The following GALC variants were observed in gnomAD, a reference collection of about 807,000 sequenced individuals.
The protein encoded by GALC is galactosylceramidase, also known as galactocerebrosidase.
In GALC, 77 loss-of-function variants were observed where a neutral mutation model predicts 91.8. That is an observed-to-expected ratio of 0.84 (90% CI 0.70 to 1.01). The LOEUF (loss-of-function observed/expected upper bound fraction) is 1.01. Among genes scored for constraint, GALC ranks in the 50% least tolerant of loss-of-function variants. The pLI is 0.00. For missense variants in GALC, 882 were observed against 855.9 expected, an observed-to-expected ratio of 1.03 and a Z score of -0.38; for synonymous variants, 357 against 306.7, an observed-to-expected ratio of 1.16 and a Z score of -1.71.
chr14:87,968,844 AC>A (rs972136893), intron 7 of GALC, among the ~76,000 whole-genome samples: 2 of 152,138 alleles, frequency 1.3e-5, no homozygotes, highest in African/African-American at 4.8e-5. Context: ...AGCCTAGAAC[AC>A]TCCAAGAGGA....
chr14:87,954,689 C>T, intron 10 of GALC: 2 of 1,554,116 alleles, frequency 1.3e-6, no homozygotes, highest in Admixed American at 3.4e-5. Context: ...GATTTCAGAG[C>T]TGTCATTTCC....
chr14:87,969,379 C>T (rs1886187422), intron 7 of GALC, among the ~76,000 whole-genome samples: 1 of 152,120 alleles, frequency 6.6e-6, no homozygotes, highest in African/African-American at 2.4e-5. Context: ...TTCACTCTAT[C>T]ATTCGATGGG....
chr14:87,939,121 G>T (rs1206819558), intron 16 of GALC, among the ~76,000 whole-genome samples: 1 of 151,902 alleles, frequency 6.6e-6, no homozygotes, highest in Admixed American at 6.6e-5. Flanking sequence ...TATTATAATT[G>T]CTATAAAATG....
chr14:87,953,204 C>G, intron 10 of GALC: 1 of 1,500,818 alleles, frequency 6.7e-7, no homozygotes, highest in Non-Finnish European at 9.2e-7. Flanking sequence ...AAAATGTCAA[C>G]TGATACGGAA....
At chr14:87,987,493 C>T (rs1446232664) in intron 3 of GALC, among the ~76,000 whole-genome samples, 2 of 152,154 alleles carry the variant, frequency 1.3e-5, no homozygotes, top group Admixed American at 6.5e-5. Flanking sequence ...ACCACATAGA[C>T]ATATCTGTTC....
At chr14:87,990,050 G>T (rs761636679) in intron 1 of GALC, among the ~76,000 whole-genome samples, 40 of 152,100 alleles carry the variant, frequency 2.6e-4, no homozygotes, top group Non-Finnish European at 3.1e-4. Flanking sequence ...GAATTTGAAG[G>T]AAGGATGCCT....
At chr14:87,954,542 T>C (rs1885439456) in intron 10 of GALC, 1 of 1,559,296 alleles carries the variant, frequency 6.4e-7, no homozygotes, top group Non-Finnish European at 8.7e-7. Flanking sequence ...ATCCTGTGAG[T>C]GCTTGTTTGA....
In GALC at chr14:87,941,489, TCCTG is replaced by T. The variant is rs754668472; in HGVS notation, c.1736_1739del (p.Ala579GlufsTer3). 1 of 1,603,118 alleles carries T rather than the reference TCCTG, an allele frequency of 6.2e-7. No homozygotes were observed. The highest frequency in any genetic ancestry group is 1.1e-5 in the South Asian group (1 of 90,862). Reference sequence around the variant, plus strand: ...TCAAAATACCACCTTTATTTACTCTTCCTGCAATGAACACACCTCCTGTGTCAGG... The same window carrying T: ...TCAAAATACCACCTTTATTTACTCTTCAATGAACACACCTCCTGTGTCAGG... On this transcript the variant is annotated frameshift_variant, in exon 15 of 17. Transcript: ENST00000261304. LOFTEE classifies it high-confidence loss of function.
intron 1 of GALC, among the ~76,000 whole-genome samples, chr14:87,991,321 G>T (rs910999225): frequency 6.6e-6 from 1 of 152,148 alleles, no homozygotes; most frequent in African/African-American, 2.4e-5. Context: ...TCCTGCCTCA[G>T]CCTCCCGAGT....
intron 6 of GALC, chr14:87,981,467 T>A (rs976132830): frequency 5.3e-5 from 10 of 189,848 alleles, no homozygotes; most frequent in East Asian, 1.6e-4. Flanking sequence ...TAAAAAAAAA[T>A]TAATATAAAA....
chr14:87,963,153 G>A (rs1885880870), intron 10 of GALC: 3 of 482,436 alleles, frequency 6.2e-6, no homozygotes, highest in Non-Finnish European at 7.5e-6. Context: ...TATCCCAACT[G>A]CCAGGAACAA....
Position 87,947,874 on chromosome 14 carries a change from A to G in GALC, c.1343T>C (p.Leu448Pro), listed in dbSNP as rs1885138082. The change falls in exon 13 of 17, where the codon CTT becomes CCT. Residue 448 changes from leucine (L) to proline (P), a missense_variant. By Grantham distance (98) the Leu-to-Pro change is moderately conservative. Coordinates refer to ENST00000261304, the MANE Select transcript of GALC (RefSeq NM_000153.4). Reference protein sequence around the residue: ...LFKQLDSLWLLDSDGSFTLSL... With the variant: ...LFKQLDSLWLPDSDGSFTLSL... ...CAGTGTGAAACTGCCATCGCTGTCAAGGAGCTGAAAAAGAAGACACTACTG... is the reference window on the plus strand; with the variant it reads ...CAGTGTGAAACTGCCATCGCTGTCAGGGAGCTGAAAAAGAAGACACTACTG... 2 of 1,611,850 alleles carry G rather than the reference A, an allele frequency of 1.2e-6. No homozygotes were observed. Among genetic ancestry groups the G allele is most frequent in the Admixed American group, 1.7e-5 (1 of 59,772 alleles).
chr14:87,953,458 A>G lies in GALC; in HGVS notation c.1162-2710T>C, dbSNP rs995183887. The stretch of plus-strand genomic sequence containing the variant: ...TCCTGTTTTTCCTAAAACAGAAAAT[A>G]GCCACATTCACATAAACTCTGACAA... On this transcript the variant is annotated intron_variant, in intron 10 of 16. Transcript: ENST00000261304. 3.2e-6 allele frequency: 5 copies of G among 1,557,932 alleles called. No individual in the cohort carries two copies. The African/African-American group carries it at 6.8e-5, about 21-fold the overall frequency.
At chr14:87,955,065 A>G in intron 10 of GALC, 1 of 1,338,752 alleles carries the variant, frequency 7.5e-7, no homozygotes, top group Non-Finnish European at 1.1e-6. Context: ...CCTTGTCGGC[A>G]GTCAGCGCAG....
chr14:87,978,814 CAT>C (rs1886619828), intron 6 of GALC, among the ~76,000 whole-genome samples: 1 of 147,290 alleles, frequency 6.8e-6, no homozygotes, highest in Admixed American at 6.7e-5. Context: ...ATAAATCTTA[CAT>C]ATCAGTAGCA....
intron 1 of GALC, chr14:87,992,370 T>A: frequency 6.5e-6 from 10 of 1,535,660 alleles, no homozygotes; most frequent in Non-Finnish European, 8.7e-6. Context: ...GGCCGCTCGC[T>A]TATCTTCCTT....
chr14:87,991,537 T>C (rs1450106437), intron 1 of GALC, among the ~76,000 whole-genome samples: 1 of 152,186 alleles, frequency 6.6e-6, no homozygotes, highest in Non-Finnish European at 1.5e-5. Context: ...CATACCGCTT[T>C]CCCTCTCTGA....
intron 4 of GALC, 86 bp from the exon 5 acceptor site, chr14:87,984,619 A>G: frequency 7.2e-7 from 1 of 1,383,240 alleles, no homozygotes. Context: ...TTTTAAGAAA[A>G]GCATTCAACT....
intron 7 of GALC, 61 bp downstream of exon 7, chr14:87,976,293 AAGAT>A: frequency 3.2e-6 from 5 of 1,581,250 alleles, no homozygotes; most frequent in Non-Finnish European, 4.3e-6. Flanking sequence ...AGGCAAGAAA[AAGAT>A]AGTCAATACA....
Sources: allele counts gnomAD v4.1 joint callset (sites outside exome capture counted in the v4.1 genomes callset), GRCh38; gene constraint gnomAD v4.1.1; transcripts MANE v1.5; gene names NCBI Gene and HGNC (gene_info 2026-07-23, HGNC 2026-07-21).